Variants in COL22A1 observed in about 807,000 individuals in gnomAD.
COL22A1 encodes collagen type XXII alpha 1 chain, also known as collagen alpha-1(XXII) chain.
Under a neutral mutation model 248.9 loss-of-function variants are expected in COL22A1, and 221 were observed. The ratio of observed to expected loss-of-function variants is 0.89; its 90% CI spans 0.80 to 0.99. The LOEUF (loss-of-function observed/expected upper bound fraction) is 0.99. Ranked by LOEUF, COL22A1 falls within the 50% of genes least tolerant of loss-of-function variation. The pLI is 0.00. For synonymous variants in COL22A1, 891 were observed against 793.4 expected (o/e 1.12, Z -2.07); for missense variants, 2,240 against 2,179.0 (o/e 1.03, Z -0.56).
At chr8:138,800,999 C>G (rs773126593) in intron 11 of COL22A1, among the ~76,000 whole-genome samples, 1 of 152,188 alleles carries the variant, frequency 6.6e-6, no homozygotes, top group Non-Finnish European at 1.5e-5. Context: ...CGTCACCGAG[C>G]TGATGTGAGA....
intron 1 of COL22A1, 61 bp downstream of exon 1, chr8:138,913,558 G>A (rs1261174365): frequency 2.0e-5 from 3 of 152,382 alleles, no homozygotes; most frequent in African/African-American, 7.2e-5. Flanking sequence ...CTGGGAAGAT[G>A]GGCGTCAGCT....
chr8:138,762,379 G>A, intron 17 of COL22A1, 34 bp downstream of exon 17: 8 of 1,611,086 alleles, frequency 5.0e-6, no homozygotes, highest in Non-Finnish European at 5.9e-6. Context: ...GACCGCTGAT[G>A]AAACCTAGCC....
At chr8:138,711,368 T>G (rs1828950257) in intron 30 of COL22A1, among the ~76,000 whole-genome samples, 2 of 152,232 alleles carry the variant, frequency 1.3e-5, no homozygotes, top group African/African-American at 4.8e-5. Context: ...TTGGATTTTC[T>G]GACCAAAATT....
chr8:138,871,462 CA>C (rs1268270961), intron 3 of COL22A1, among the ~76,000 whole-genome samples: 1 of 152,196 alleles, frequency 6.6e-6, no homozygotes, highest in Non-Finnish European at 1.5e-5. Flanking sequence ...ATTCCAAGAT[CA>C]AGGCAACTTT....
intron 12 of COL22A1, among the ~76,000 whole-genome samples, chr8:138,784,573 G>A (rs189182539): frequency 2.2e-4 from 34 of 152,258 alleles, no homozygotes; most frequent in Admixed American, 5.2e-4. Context: ...ATTTCTACCC[G>A]ATTAAACACA....
In COL22A1 at chr8:138,867,972, T is replaced by C. The variant is rs148291625; in HGVS notation, c.658+9778A>G. ...TACAGACAGGGTTTCACCATGTTGG[T>C]CAGGATGGTCTTGATCTCCTGACCT... On this transcript the variant is annotated intron_variant, in intron 3 of 64. Transcript: ENST00000303045. Among the ~76,000 whole-genome samples the C allele has an allele frequency of 9.2e-3, 1,394 of 152,174 alleles. 23 individuals are homozygous for C. Among genetic ancestry groups the C allele is most frequent in the African/African-American group, 0.029 (1,221 of 41,492 alleles).
At chr8:138,809,528 C>CTTTTTTTTTTTTTTTTTTTTTTTTTTTTT (rs71518485) in intron 9 of COL22A1, among the ~76,000 whole-genome samples, 5 of 117,630 alleles carry the variant, frequency 4.3e-5, no homozygotes, top group Admixed American at 8.7e-5. Flanking sequence ...TTTTCTTTTT[C>CTTTTTTTTTTTTTTTTTTTTTTTTTTTTT]TTTTTTTTTT....
intron 39 of COL22A1, among the ~76,000 whole-genome samples, chr8:138,684,132 T>C (rs1826160930): frequency 6.6e-6 from 1 of 151,858 alleles, no homozygotes; most frequent in Admixed American, 6.6e-5. Context: ...GGCATGGTGG[T>C]GCATCCCTGT....
intron 22 of COL22A1, among the ~76,000 whole-genome samples, chr8:138,739,857 G>A (rs1319847340): frequency 6.6e-6 from 1 of 152,202 alleles, no homozygotes; most frequent in Non-Finnish European, 1.5e-5. Flanking sequence ...CCACACCTTT[G>A]AGCTGTGAAC....
At chr8:138,778,317 G>C in intron 15 of COL22A1, 36 bp downstream of exon 15, 1 of 1,613,466 alleles carries the variant, frequency 6.2e-7, no homozygotes, top group Non-Finnish European at 8.5e-7. Context: ...CTGGAGAAGG[G>C]GTAGAACCCC....
intron 3 of COL22A1, among the ~76,000 whole-genome samples, chr8:138,847,544 T>A (rs1821335338): frequency 6.6e-6 from 1 of 152,184 alleles, no homozygotes; most frequent in Non-Finnish European, 1.5e-5. Flanking sequence ...CCAGTCTCAC[T>A]TGCAGCTAGG....
rs192146360 is a variant in COL22A1 at position 138,656,023 on chromosome 8, G to C, written c.3286-79C>G. On this transcript the variant is annotated intron_variant, in intron 44 of 64. Transcript: ENST00000303045. ...CCCAGGCATCTTCAGAAAGCAAAAG[G>C]ACTTTAAAGTGTGACACAATACGTG... The C allele has an allele frequency of 8.9e-4, 1,076 of 1,204,932 alleles. 6 individuals carry two copies. In the African/African-American group the frequency reaches 0.014, roughly 16 times the overall value. The allele number at this position is 1,204,932 out of a possible 1,614,324, so 74.6% of individuals were successfully genotyped here.
intron 47 of COL22A1, among the ~76,000 whole-genome samples, chr8:138,637,058 C>T (rs12678385): frequency 0.9 from 136,665 of 152,022 alleles, 62,681 homozygotes; most frequent in East Asian, 1. Context: ...AGGCAGGGCT[C>T]ATTTCTTTGA....
At chr8:138,740,470 G>A (rs1472774882) in intron 22 of COL22A1, among the ~76,000 whole-genome samples, 2 of 152,154 alleles carry the variant, frequency 1.3e-5, no homozygotes, top group Non-Finnish European at 2.9e-5. Context: ...GCAGCAATCC[G>A]CTTCCTGAGC....
intron 6 of COL22A1, among the ~76,000 whole-genome samples, chr8:138,822,768 C>T (rs993818083): frequency 6.6e-6 from 1 of 152,078 alleles, no homozygotes; most frequent in African/African-American, 2.4e-5. Flanking sequence ...ATTCCTCCCA[C>T]CCCTCCTGGC....
intron 12 of COL22A1, among the ~76,000 whole-genome samples, chr8:138,781,774 C>T (rs1815031473): frequency 6.6e-6 from 1 of 152,158 alleles, no homozygotes; most frequent in South Asian, 2.1e-4. Flanking sequence ...AGGATCCTGC[C>T]TGAGATCTCC....
chr8:138,686,848 T>A (rs377078031), intron 37 of COL22A1, among the ~76,000 whole-genome samples: 287 of 152,350 alleles, frequency 1.9e-3, no homozygotes, highest in African/African-American at 6.7e-3. Flanking sequence ...ACCAGATGAA[T>A]CCAGATGTTT....
chr8:138,738,180 C>T (rs1586613113), intron 22 of COL22A1, among the ~76,000 whole-genome samples: 1 of 152,260 alleles, frequency 6.6e-6, no homozygotes, highest in African/African-American at 2.4e-5. Flanking sequence ...ATTGAAACAA[C>T]CCCCTCCTCG....
chr8:138,649,871 A>G, intron 45 of COL22A1, 93 bp from the exon 46 acceptor site: 3 of 723,644 alleles, frequency 4.1e-6, no homozygotes, highest in East Asian at 2.8e-5. Flanking sequence ...CTATCTCTCC[A>G]GATGGAGATT....
Sources: allele counts gnomAD v4.1 joint callset (sites outside exome capture counted in the v4.1 genomes callset), GRCh38; gene constraint gnomAD v4.1.1; transcripts MANE v1.5; gene names NCBI Gene and HGNC (gene_info 2026-07-23, HGNC 2026-07-21).